Variants in ACACB observed in about 807,000 individuals in gnomAD.
ACACB encodes acetyl-CoA carboxylase 2.
A neutral mutation model predicts 278.8 loss-of-function variants in ACACB; 209 were observed. The ratio of observed to expected loss-of-function variants is 0.75; its 90% CI spans 0.67 to 0.84. ACACB has a LOEUF of 0.84. Ranked by LOEUF, ACACB falls within the 40% of genes least tolerant of loss-of-function variation. ACACB has a pLI of 0.00. For missense variants in ACACB, 2,850 were observed against 3,269.0 expected (o/e 0.87, Z 3.13); for synonymous variants, 1,174 against 1,285.6 (o/e 0.91, Z 1.86).
At chr12:109,184,738 G>A (rs112044066) in intron 11 of ACACB, among the ~76,000 whole-genome samples, 10,892 of 145,210 alleles carry the variant, frequency 0.075, 966 homozygotes, top group African/African-American at 0.22. Context: ...ATGGAGTCTC[G>A]CTCTGTCACT....
chr12:109,169,484 A>G (rs745351103), intron 4 of ACACB, among the ~76,000 whole-genome samples: 4 of 152,120 alleles, frequency 2.6e-5, no homozygotes, highest in Non-Finnish European at 5.9e-5. Flanking sequence ...CTAAAATTCA[A>G]AATTGTCACC....
At chr12:109,254,129 T>C (rs2047164510) in intron 43 of ACACB, 85 bp from the exon 44 acceptor site, 11 of 1,525,148 alleles carry the variant, frequency 7.2e-6, no homozygotes, top group Middle Eastern at 1.7e-4. Flanking sequence ...CCAGGCATAA[T>C]CATAGTCAGA....
intron 41 of ACACB, among the ~76,000 whole-genome samples, chr12:109,251,588 C>T (rs2268384): frequency 0.37 from 56,286 of 151,616 alleles, 11,647 homozygotes; most frequent in Non-Finnish European, 0.46. Flanking sequence ...CACCCAGCTT[C>T]CCCTATGGTA....
intron 12 of ACACB, 74 bp downstream of exon 12, chr12:109,185,814 G>T: frequency 6.9e-7 from 1 of 1,453,774 alleles, no homozygotes; most frequent in Non-Finnish European, 9.2e-7. Flanking sequence ...ATGTTAGCCT[G>T]GGAAGAGACA....
chr12:109,226,717 A>G (rs978339399), intron 27 of ACACB, among the ~76,000 whole-genome samples: 82 of 151,740 alleles, frequency 5.4e-4, no homozygotes, highest in Admixed American at 1.5e-3. Context: ...AAAAAAAAAA[A>G]AAGAAGAATG....
intron 28 of ACACB, among the ~76,000 whole-genome samples, chr12:109,231,595 C>T (rs58802650): frequency 0.055 from 8,440 of 152,074 alleles, 253 homozygotes; most frequent in Non-Finnish European, 0.073. Context: ...CCCCCAGGTT[C>T]GATCATCGCC....
chr12:109,120,711 G>C (rs2042525671), intron 1 of ACACB, among the ~76,000 whole-genome samples: 1 of 152,138 alleles, frequency 6.6e-6, no homozygotes, highest in Non-Finnish European at 1.5e-5. Flanking sequence ...GGTGGGCGTA[G>C]GGGAAGGGAT....
intron 2 of ACACB, among the ~76,000 whole-genome samples, chr12:109,153,471 A>G (rs904727694): frequency 3.9e-5 from 6 of 152,168 alleles, no homozygotes; most frequent in Non-Finnish European, 7.4e-5. Flanking sequence ...AAGACACACA[A>G]ATTTAATTAA....
intron 47 of ACACB, among the ~76,000 whole-genome samples, chr12:109,259,323 G>T (rs544646734): frequency 6.6e-6 from 1 of 152,090 alleles, no homozygotes; most frequent in Non-Finnish European, 1.5e-5. Flanking sequence ...CTGTAATCCC[G>T]GTGCTTTGGG....
At chr12:109,166,250 A>G (rs35109388) in intron 2 of ACACB, among the ~76,000 whole-genome samples, 27,483 of 152,144 alleles carry the variant, frequency 0.18, 3,092 homozygotes, top group East Asian at 0.53. Flanking sequence ...CCTTGTTATA[A>G]GTTTTTTAGT....
intron 22 of ACACB, among the ~76,000 whole-genome samples, chr12:109,213,171 C>T (rs2045898134): frequency 6.6e-6 from 1 of 152,218 alleles, no homozygotes; most frequent in Admixed American, 6.5e-5. Context: ...TCAAGCAATT[C>T]TCCTGCCTCA....
chr12:109,146,802 C>T (rs1164636270), intron 2 of ACACB, among the ~76,000 whole-genome samples: 1 of 151,982 alleles, frequency 6.6e-6, no homozygotes, highest in Non-Finnish European at 1.5e-5. Context: ...AGCCTCCTGA[C>T]TAGCTGGGAC....
chr12:109,199,381 C>A (rs763146650), intron 17 of ACACB, 21 bp from the exon 18 acceptor site: 13 of 1,457,208 alleles, frequency 8.9e-6, no homozygotes, highest in Admixed American at 4.7e-5. Context: ...GTCTCCCTAC[C>A]CGACTCCTCC....
intron 17 of ACACB, among the ~76,000 whole-genome samples, chr12:109,197,496 A>C (rs563843261): frequency 2.0e-5 from 3 of 152,262 alleles, no homozygotes; most frequent in African/African-American, 7.2e-5. Flanking sequence ...TTAGTGCGGC[A>C]GTGACCTACT....
At chr12:109,240,749 G>A (rs2046772661) in intron 35 of ACACB, among the ~76,000 whole-genome samples, 1 of 151,982 alleles carries the variant, frequency 6.6e-6, no homozygotes, top group African/African-American at 2.4e-5. Context: ...GAAGGAAGCA[G>A]TGCAATGGCT....
chr12:109,114,511 T>C (rs1047865665), upstream of ACACB, among the ~76,000 whole-genome samples: 1 of 152,066 alleles, frequency 6.6e-6, no homozygotes, highest in Non-Finnish European at 1.5e-5. Flanking sequence ...GGTGATTTCT[T>C]TCCAGGTGCC....
intron 4 of ACACB, 42 bp from the exon 5 acceptor site, chr12:109,171,763 T>C: frequency 2.1e-6 from 3 of 1,461,290 alleles, no homozygotes; most frequent in Admixed American, 1.7e-5. Flanking sequence ...TTGATGTCAG[T>C]CTGTCAGCAG....
chr12:109,204,610 T>C lies in ACACB; in HGVS notation c.2914-2100T>C, dbSNP rs568063276. ...ATCTTATTCATTCTATCTAACTGGA[T>C]TTTTGTACCCGTTAACCATCCCCAC... On this transcript the variant is annotated intron_variant, in intron 19 of 52. Transcript: ENST00000338432. 2.9e-4 allele frequency among the ~76,000 whole-genome samples: 44 copies of C among 152,002 alleles called. No individual in the cohort carries two copies. In the Middle Eastern group the frequency reaches 0.01, roughly 35 times the overall value.
At chr12:109,238,447 TA>T (rs2046700106) in intron 34 of ACACB, among the ~76,000 whole-genome samples, 1 of 115,378 alleles carries the variant, frequency 8.7e-6, no homozygotes, top group Non-Finnish European at 1.9e-5. Flanking sequence ...TAATATAACA[TA>T]TAATATACAT....
Sources: gnomAD v4.1 joint callset for allele counts (sites outside exome capture counted in the v4.1 genomes callset) on GRCh38, gnomAD v4.1.1 for gene constraint, MANE v1.5 for transcripts, NCBI Gene and HGNC (gene_info 2026-07-23, HGNC 2026-07-21) for gene names.